GLRB: variants seen among roughly 807,000 people sequenced by gnomAD.
The protein encoded by GLRB is glycine receptor subunit beta.
In GLRB, 33 loss-of-function variants were observed where a neutral mutation model predicts 54.2. The ratio of observed to expected loss-of-function variants is 0.61; its 90% confidence interval spans 0.46 to 0.81. The LOEUF (loss-of-function observed/expected upper bound fraction) is 0.81, where lower values mean the gene tolerates loss of function less well. Ranked by LOEUF, GLRB falls within the 40% of genes least tolerant of loss-of-function variation. The pLI is 0.00. For missense variants in GLRB, 572 were observed against 584.6 expected (o/e 0.98, Z 0.22); for synonymous variants, 209 against 208.2 (o/e 1.00, Z -0.03).
chr4:157,126,560 T>C (rs1035707383), intron 4 of GLRB, among the ~76,000 whole-genome samples: 1 of 151,908 alleles, frequency 6.6e-6, no homozygotes, highest in Non-Finnish European at 1.5e-5. Flanking sequence ...CAATTTGAAG[T>C]TGCTGGAACA....
chr4:157,114,624 A>G (rs1252230250), intron 2 of GLRB, among the ~76,000 whole-genome samples: 1 of 151,688 alleles, frequency 6.6e-6, no homozygotes, highest in African/African-American at 2.4e-5. Flanking sequence ...CATAGTTGTC[A>G]TGCCTTCTTG....
In GLRB at chr4:157,170,677, T is replaced by C; in HGVS notation, c.1443T>C (p.Phe481=). Reference sequence around the variant, plus strand: ...TTGATCTTTATGCAAGAGCATTGTTTCCTTTCTGCTTCTTGTTCTTCAATG... The same window carrying C: ...TTGATCTTTATGCAAGAGCATTGTTCCCTTTCTGCTTCTTGTTCTTCAATG... ...KRIDLYARAL[F]PFCFLFFNVI... The change falls in exon 10 of 10, where the codon TTT becomes TTC. Residue 481 remains phenylalanine (F), a synonymous_variant. Coordinates refer to ENST00000264428, the MANE Select transcript of GLRB (RefSeq NM_000824.5). The C allele has an allele frequency of 6.2e-7, 1 of 1,603,648 alleles. No individual in the cohort carries two copies. Among genetic ancestry groups the C allele is most frequent in the East Asian group, 2.2e-5 (1 of 44,828 alleles).
At chr4:157,164,605 G>C (rs1310499601) in intron 9 of GLRB, among the ~76,000 whole-genome samples, 1 of 152,030 alleles carries the variant, frequency 6.6e-6, no homozygotes, top group Non-Finnish European at 1.5e-5. Flanking sequence ...ATTAAATGTA[G>C]TAACAATACT....
At position 157,143,684 on chromosome 4, in the gene GLRB, G is replaced by A. The variant is rs890110296; in HGVS notation, c.752-123G>A. 4.3e-6 allele frequency: 4 copies of A among 932,126 alleles called. No homozygotes were observed. The East Asian group carries it at 1.1e-4, about 25-fold the overall frequency. The allele number at this position is 932,126 out of a possible 1,614,324, so 57.7% of individuals were successfully genotyped here. A position where few individuals can be genotyped will look rare whatever the true frequency, so the allele number is the denominator to read the frequency against. On this transcript the variant is annotated intron_variant, in intron 7 of 9. Transcript: ENST00000264428. ...TATCTGCAAAGAAAAACTTTTTTTTGAGGCATTTCCTCTGTGAAATTGCCT... is the reference window on the plus strand; with the variant it reads ...TATCTGCAAAGAAAAACTTTTTTTTAAGGCATTTCCTCTGTGAAATTGCCT...
chr4:157,110,210 AT>A (rs1420046731), intron 2 of GLRB, among the ~76,000 whole-genome samples: 2 of 152,002 alleles, frequency 1.3e-5, no homozygotes, highest in African/African-American at 4.8e-5. Context: ...GAAGACATTC[AT>A]CACTCCAGAG....
intron 4 of GLRB, among the ~76,000 whole-genome samples, chr4:157,132,373 T>G (rs1370208297): frequency 6.6e-6 from 1 of 151,850 alleles, no homozygotes; most frequent in African/African-American, 2.4e-5. Flanking sequence ...TTTCTCTATC[T>G]TGATATTTAA....
At chr4:157,095,799 A>G (rs928287780) in intron 2 of GLRB, among the ~76,000 whole-genome samples, 40 of 152,310 alleles carry the variant, frequency 2.6e-4, no homozygotes, top group African/African-American at 9.6e-4. Context: ...CAAATAGATC[A>G]GATCAGAGAG....
chr4:157,140,401 T>C (rs1736563998), intron 7 of GLRB, among the ~76,000 whole-genome samples: 1 of 151,944 alleles, frequency 6.6e-6, no homozygotes, highest in Non-Finnish European at 1.5e-5. Flanking sequence ...CAAATTACTG[T>C]CAGCCTTGGG....
intron 3 of GLRB, among the ~76,000 whole-genome samples, chr4:157,121,308 G>A (rs1560954222): frequency 6.6e-6 from 1 of 151,610 alleles, no homozygotes; most frequent in Non-Finnish European, 1.5e-5. Context: ...TAAGCCATGA[G>A]CAGATTGTGC....
chr4:157,167,833 G>A (rs924729993), intron 9 of GLRB, among the ~76,000 whole-genome samples: 27 of 152,178 alleles, frequency 1.8e-4, no homozygotes, highest in African/African-American at 4.8e-4. Flanking sequence ...CCTCAGGAAG[G>A]TTACAGTTAT....
intron 2 of GLRB, among the ~76,000 whole-genome samples, chr4:157,089,541 C>T (rs557808966): frequency 6.6e-6 from 1 of 152,282 alleles, no homozygotes; most frequent in East Asian, 1.9e-4. Context: ...TCACCCATCC[C>T]ACATGTGGCT....
intron 4 of GLRB, among the ~76,000 whole-genome samples, chr4:157,132,031 T>A (rs1736233735): frequency 6.6e-6 from 1 of 151,838 alleles, no homozygotes; most frequent in African/African-American, 2.4e-5. Context: ...CAACAATGAA[T>A]GAGTTTTTTC....
intron 9 of GLRB, among the ~76,000 whole-genome samples, chr4:157,155,869 T>C (rs1055964838): frequency 6.6e-6 from 1 of 152,106 alleles, no homozygotes; most frequent in Non-Finnish European, 1.5e-5. Context: ...ATTATTTCTT[T>C]GTGTACTTTT....
At chr4:157,092,399 CTG>C (rs1734651526) in intron 2 of GLRB, among the ~76,000 whole-genome samples, 1 of 152,174 alleles carries the variant, frequency 6.6e-6, no homozygotes, top group African/African-American at 2.4e-5. Flanking sequence ...TATTTTCTAA[CTG>C]TAATATTCTA....
At chr4:157,168,693 T>A (rs180949914) in intron 9 of GLRB, among the ~76,000 whole-genome samples, 2 of 152,282 alleles carry the variant, frequency 1.3e-5, no homozygotes, top group Admixed American at 1.3e-4. Flanking sequence ...ATCAACATTT[T>A]TTGGGTATTT....
intron 8 of GLRB, among the ~76,000 whole-genome samples, chr4:157,146,834 C>CAA (rs61108448): frequency 7.2e-6 from 1 of 138,884 alleles, no homozygotes; most frequent in African/African-American, 2.7e-5. Flanking sequence ...CCTCCCCCCG[C>CAA]AAAAAAAAAA....
chr4:157,117,675 G>A (rs1252088212), intron 2 of GLRB, among the ~76,000 whole-genome samples: 4 of 151,560 alleles, frequency 2.6e-5, no homozygotes, highest in Non-Finnish European at 5.9e-5. Flanking sequence ...AATAACGAGT[G>A]GAACTGCTTA....
At chr4:157,126,569 C>G (rs535889638) in intron 4 of GLRB, among the ~76,000 whole-genome samples, 1 of 151,996 alleles carries the variant, frequency 6.6e-6, no homozygotes, top group Admixed American at 6.6e-5. Flanking sequence ...GTTGCTGGAA[C>G]AGTCAGTTCT....
chr4:157,087,417 T>A lies in GLRB; in HGVS notation c.122+9271T>A, dbSNP rs980532553. On this transcript the variant is annotated intron_variant, in intron 2 of 9. Transcript: ENST00000264428. Reference sequence around the variant, plus strand: ...CATTTGTATAGTGAAAAGTTTGATCTCAATAATCTCCTAATTTTATTCATT... The same window carrying A: ...CATTTGTATAGTGAAAAGTTTGATCACAATAATCTCCTAATTTTATTCATT... 2.0e-5 allele frequency among the ~76,000 whole-genome samples: 3 copies of A among 152,248 alleles called. No individual in the cohort carries two copies. In the East Asian group the frequency reaches 5.8e-4, roughly 29 times the overall value.
Sources: allele counts gnomAD v4.1 joint callset (sites outside exome capture counted in the v4.1 genomes callset), GRCh38; gene constraint gnomAD v4.1.1; transcripts MANE v1.5; gene names NCBI Gene and HGNC (gene_info 2026-07-23, HGNC 2026-07-21).